The following LRP1B variants were observed in gnomAD, a reference collection of about 807,000 sequenced individuals.
LRP1B encodes low-density lipoprotein receptor-related protein 1B.
A neutral mutation model predicts 556.6 loss-of-function variants in LRP1B; 217 were observed. That is an observed-to-expected ratio of 0.39 (90% CI 0.35 to 0.44). The LOEUF (loss-of-function observed/expected upper bound fraction) is 0.44. Ranked by LOEUF, LRP1B falls within the 20% of genes least tolerant of loss-of-function variation. The pLI, the probability that LRP1B is intolerant of heterozygous loss-of-function variation, is 1.00. For synonymous variants in LRP1B, 2,047 were observed against 1,865.8 expected, an observed-to-expected ratio of 1.10 and a Z score of -2.50; for missense variants, 5,053 against 5,620.8, an observed-to-expected ratio of 0.90 and a Z score of 3.23.
intron 1 of LRP1B, among the ~76,000 whole-genome samples, chr2:142,084,752 C>T (rs1436408763): frequency 6.6e-6 from 1 of 152,184 alleles, no homozygotes; most frequent in African/African-American, 2.4e-5. Context: ...TTTTGCCCCT[C>T]TCTGAACCAT....
chr2:140,601,503 G>A lies in LRP1B; in HGVS notation c.6936C>T (p.Ile2312=), dbSNP rs192986995. 90 of 1,613,066 alleles carry A rather than the reference G, an allele frequency of 5.6e-5. No homozygotes were observed. The Admixed American group carries it at 1.2e-3, about 22-fold the overall frequency. Reference sequence around the variant, plus strand: ...GTGGATGGTCATCTTCTGACATGGTGATGACAGCTTCCCTGTCAAATGCTC... The same window carrying A: ...GTGGATGGTCATCTTCTGACATGGTAATGACAGCTTCCCTGTCAAATGCTC... ...RPGAFDREAV[I]TMSEDDHPHV... The change falls in exon 42 of 91, where the codon ATC becomes ATT. Residue 2312 remains isoleucine (I), a synonymous_variant. Transcript: ENST00000389484.
chr2:140,265,840 A>G (rs751931515), intron 86 of LRP1B, among the ~76,000 whole-genome samples: 37 of 152,154 alleles, frequency 2.4e-4, no homozygotes, highest in Middle Eastern at 6.8e-3. Flanking sequence ...TGAGGGTTTC[A>G]TGTTCCCTTA....
At chr2:141,484,179 A>G (rs1683029171) in intron 2 of LRP1B, among the ~76,000 whole-genome samples, 1 of 147,332 alleles carries the variant, frequency 6.8e-6, no homozygotes, top group Non-Finnish European at 1.5e-5. Context: ...CTTTCTACAT[A>G]TGGCTAGCCA....
intron 2 of LRP1B, among the ~76,000 whole-genome samples, chr2:141,560,195 T>C (rs1031643678): frequency 2.0e-5 from 3 of 151,704 alleles, no homozygotes; most frequent in Non-Finnish European, 3.0e-5. Flanking sequence ...AACTATTCCA[T>C]CCACTTTAAG....
intron 35 of LRP1B, among the ~76,000 whole-genome samples, chr2:140,717,152 A>T (rs904893079): frequency 6.6e-6 from 1 of 152,034 alleles, no homozygotes; most frequent in Non-Finnish European, 1.5e-5. Flanking sequence ...TTGATTCCAA[A>T]CCATGTTATT....
At chr2:141,636,665 C>G in intron 2 of LRP1B, among the ~76,000 whole-genome samples, 1 of 151,864 alleles carries the variant, frequency 6.6e-6, no homozygotes, top group Middle Eastern at 3.4e-3. Context: ...AGTGGTAAAA[C>G]ATGTGAACTC....
chr2:140,499,237 G>A (rs1188729658), intron 55 of LRP1B, among the ~76,000 whole-genome samples: 1 of 151,856 alleles, frequency 6.6e-6, no homozygotes, highest in Non-Finnish European at 1.5e-5. Flanking sequence ...GTATGGCTGT[G>A]TGCTAATACT....
chr2:141,957,746 T>C (rs972197729), intron 1 of LRP1B, among the ~76,000 whole-genome samples: 2 of 152,144 alleles, frequency 1.3e-5, no homozygotes, highest in African/African-American at 2.4e-5. Context: ...GAGGAGGATA[T>C]ACTGGCGAGA....
intron 84 of LRP1B, among the ~76,000 whole-genome samples, chr2:140,297,305 T>G (rs1272951939): frequency 6.6e-6 from 1 of 152,048 alleles, no homozygotes; most frequent in Admixed American, 6.6e-5. Flanking sequence ...ATTGGAGGTT[T>G]CATGAGAAGG....
At chr2:141,438,946 C>T (rs1269958062) in intron 3 of LRP1B, among the ~76,000 whole-genome samples, 2 of 152,020 alleles carry the variant, frequency 1.3e-5, no homozygotes, top group Admixed American at 6.6e-5. Flanking sequence ...CAGAGCCTTC[C>T]TAAATTTATG....
chr2:141,569,648 C>A (rs1686458398), intron 2 of LRP1B, among the ~76,000 whole-genome samples: 1 of 151,090 alleles, frequency 6.6e-6, no homozygotes, highest in Non-Finnish European at 1.5e-5. Context: ...GACTCAGACT[C>A]CCTTTTTAAT....
intron 1 of LRP1B, among the ~76,000 whole-genome samples, chr2:142,004,253 A>T (rs1702740005): frequency 6.6e-6 from 1 of 152,070 alleles, no homozygotes; most frequent in Non-Finnish European, 1.5e-5. Context: ...AAAACTACTA[A>T]TCAAACACAG....
At chr2:141,021,627 C>T (rs1698066348) in intron 11 of LRP1B, among the ~76,000 whole-genome samples, 1 of 151,978 alleles carries the variant, frequency 6.6e-6, no homozygotes, top group African/African-American at 2.4e-5. Flanking sequence ...AATTGAATTA[C>T]ATGTGAAATC....
intron 21 of LRP1B, among the ~76,000 whole-genome samples, chr2:140,910,635 TAAC>T (rs1412123529): frequency 6.6e-6 from 1 of 151,812 alleles, no homozygotes. Context: ...ATCAATAAGA[TAAC>T]AATCAATCCA....
chr2:140,796,122 T>G (rs539405341), intron 32 of LRP1B, among the ~76,000 whole-genome samples: 33 of 152,166 alleles, frequency 2.2e-4, no homozygotes, highest in Admixed American at 1.4e-3. Context: ...TTCGTTCATT[T>G]TTAAATAATA....
intron 43 of LRP1B, among the ~76,000 whole-genome samples, chr2:140,576,727 A>G (rs1296678590): frequency 6.6e-6 from 1 of 152,174 alleles, no homozygotes; most frequent in African/African-American, 2.4e-5. Context: ...TATCATTACC[A>G]TAAAAGTAGT....
chr2:140,515,479 C>G (rs1296412853), intron 50 of LRP1B, among the ~76,000 whole-genome samples: 1 of 151,986 alleles, frequency 6.6e-6, no homozygotes, highest in Non-Finnish European at 1.5e-5. Context: ...CCCTTCTACC[C>G]AGTATATTTG....
At chr2:140,657,211 T>A (rs1276390452) in intron 41 of LRP1B, among the ~76,000 whole-genome samples, 4 of 150,322 alleles carry the variant, frequency 2.7e-5, no homozygotes, top group Admixed American at 6.7e-5. Flanking sequence ...AAAAAAAAAA[T>A]TCTATTTGAT....
chr2:141,487,125 C>A (rs779073985), intron 2 of LRP1B, among the ~76,000 whole-genome samples: 1 of 152,112 alleles, frequency 6.6e-6, no homozygotes, highest in Non-Finnish European at 1.5e-5. Flanking sequence ...TCCCCTCCAC[C>A]TTTTGCCTGG....
Sources: gnomAD v4.1 joint callset for allele counts (sites outside exome capture counted in the v4.1 genomes callset) on GRCh38, gnomAD v4.1.1 for gene constraint, MANE v1.5 for transcripts, NCBI Gene and HGNC (gene_info 2026-07-23, HGNC 2026-07-21) for gene names.